The following C9orf153 variants were observed in gnomAD, a reference collection of about 807,000 sequenced individuals.
C9orf153 encodes the protein uncharacterized protein C9orf153.
C9orf153 carries 10 observed loss-of-function variants against 9.0 expected under a neutral mutation model. The observed-to-expected ratio is 1.11, with a 90% CI of 0.69 to 1.89. The LOEUF (loss-of-function observed/expected upper bound fraction) is 1.89. C9orf153 is among the 40% of genes most tolerant of loss of function. The pLI is 0.00. For synonymous variants in C9orf153, 35 were observed against 37.3 expected, an observed-to-expected ratio of 0.94 and a Z score of 0.23; for missense variants, 108 against 111.0, an observed-to-expected ratio of 0.97 and a Z score of 0.12.
At chr9:86,233,370 A>G (rs924263100) in intron 1 of C9orf153, among the ~76,000 whole-genome samples, 5 of 152,162 alleles carry the variant, frequency 3.3e-5, no homozygotes, top group African/African-American at 1.2e-4. Flanking sequence ...TAAAAACAAT[A>G]GTGACTTCTT....
intron 1 of C9orf153, among the ~76,000 whole-genome samples, chr9:86,241,260 T>TCA (rs1375311895): frequency 1.3e-5 from 2 of 152,284 alleles, no homozygotes; most frequent in Admixed American, 6.5e-5. Flanking sequence ...ATTTAGCACA[T>TCA]CCTAGGCCCT....
intron 1 of C9orf153, among the ~76,000 whole-genome samples, chr9:86,249,179 T>G (rs185636077): frequency 6.6e-6 from 1 of 152,220 alleles, no homozygotes; most frequent in African/African-American, 2.4e-5. Flanking sequence ...GGGTCCACAT[T>G]TGATTGTGTG....
chr9:86,240,701 CTTTTTCTTT>C lies in C9orf153; in HGVS notation c.-26-11081_-26-11073del, dbSNP rs1418020035. ...ACTAATTTGCTTTTCTTTTCTTTTT[CTTTTTCTTT>C]TTTTTTTTTTTTTTTTGAGATGGAG... On this transcript the variant is annotated intron_variant, in intron 1 of 3. Coordinates refer to ENST00000339137, the MANE Select transcript of C9orf153 (RefSeq NM_001276366.4). 1.0e-4 allele frequency among the ~76,000 whole-genome samples: 11 copies of C among 105,014 alleles called. No homozygotes were observed. In the Admixed American group the frequency reaches 1.2e-3, roughly 11 times the overall value. The allele number at this position is 105,014 out of a possible 152,430, so 68.9% of individuals were successfully genotyped here.
At position 86,221,421 on chromosome 9, in the gene C9orf153, T is replaced by A. The variant is rs1228353068; in HGVS notation, c.*267A>T. 1.6e-6 allele frequency: 1 copy of A among 626,924 alleles called. No individual in the cohort carries two copies. The highest frequency in any genetic ancestry group is 1.9e-5 in the African/African-American group (1 of 52,048). The allele number at this position is 626,924 out of a possible 1,614,324, so 38.8% of individuals were successfully genotyped here. On this transcript the variant is annotated 3_prime_UTR_variant, in exon 4 of 4. Transcript: ENST00000339137. ...CACTTCAGATGTTCTATTGGGTACT[T>A]GGCTTCTTTACTTTTTGTGTATTAA...
chr9:86,221,728 GT>G lies in C9orf153; in HGVS notation c.247del (p.Thr83GlnfsTer78). The G allele has an allele frequency of 6.5e-7, 1 of 1,537,576 alleles. No individual in the cohort carries two copies. Among genetic ancestry groups the G allele is most frequent in the Non-Finnish European group, 8.8e-7 (1 of 1,135,468 alleles). ...RGDLQPVIRK[T>X]IHESKGSGME... is the part of the protein sequence containing the mutation. ...TCCAGATCCCTTAGATTCATGAATT[GT>G]TTTCCTGAAAAGAATCATATTTTCA... On this transcript the variant is annotated frameshift_variant, in exon 4 of 4. Transcript: ENST00000339137. LOFTEE classifies it high-confidence loss of function.
At chr9:86,242,768 T>A (rs1824777348) in intron 1 of C9orf153, among the ~76,000 whole-genome samples, 1 of 152,162 alleles carries the variant, frequency 6.6e-6, no homozygotes, top group South Asian at 2.1e-4. Context: ...AACTTCCACC[T>A]CCCGGGTTCA....
intron 3 of C9orf153, 118 bp downstream of exon 3, chr9:86,227,737 T>C (rs1434389177): frequency 2.1e-6 from 3 of 1,438,766 alleles, no homozygotes; most frequent in Non-Finnish European, 2.7e-6. Flanking sequence ...TCCCACACTG[T>C]GACAGCCTCT....
chr9:86,239,620 A>G (rs1824687299), intron 1 of C9orf153, among the ~76,000 whole-genome samples: 1 of 152,182 alleles, frequency 6.6e-6, no homozygotes, highest in African/African-American at 2.4e-5. Flanking sequence ...GCCTGGGGCT[A>G]GAGGGGTAAC....
At chr9:86,230,938 TG>T (rs1824456423) in intron 1 of C9orf153, among the ~76,000 whole-genome samples, 1 of 152,178 alleles carries the variant, frequency 6.6e-6, no homozygotes, top group Non-Finnish European at 1.5e-5. Flanking sequence ...CAATAGCTTG[TG>T]GCATTGTGTC....
At chr9:86,243,189 T>G (rs915947019) in intron 1 of C9orf153, among the ~76,000 whole-genome samples, 6 of 152,198 alleles carry the variant, frequency 3.9e-5, no homozygotes, top group Non-Finnish European at 8.8e-5. Flanking sequence ...ACTATTGTAC[T>G]CAGTCCCATG....
At chr9:86,234,581 A>C (rs1432729239) in intron 1 of C9orf153, among the ~76,000 whole-genome samples, 1 of 152,198 alleles carries the variant, frequency 6.6e-6, no homozygotes, top group Non-Finnish European at 1.5e-5. Context: ...TTATAGAACT[A>C]AGTATGAGAG....
chr9:86,244,969 C>G (rs1308607610), intron 1 of C9orf153, among the ~76,000 whole-genome samples: 1 of 152,182 alleles, frequency 6.6e-6, no homozygotes, highest in Non-Finnish European at 1.5e-5. Context: ...TCTTGTCGCC[C>G]AGGCTGGAGT....
chr9:86,257,029 A>G (rs780528543), intron 1 of C9orf153, among the ~76,000 whole-genome samples: 2 of 152,172 alleles, frequency 1.3e-5, no homozygotes, highest in African/African-American at 2.4e-5. Context: ...AGCTTACGGT[A>G]TTTTAATGAA....
intron 3 of C9orf153, among the ~76,000 whole-genome samples, chr9:86,224,590 C>T (rs749677640): frequency 1.4e-4 from 22 of 151,732 alleles, no homozygotes; most frequent in African/African-American, 5.3e-4. Context: ...TACACAGATT[C>T]GATCACTATA....
At chr9:86,222,028 GGCACCC>G (rs1371487943) in intron 3 of C9orf153, among the ~76,000 whole-genome samples, 1 of 152,068 alleles carries the variant, frequency 6.6e-6, no homozygotes, top group Non-Finnish European at 1.5e-5. Context: ...TGGGATGACA[GGCACCC>G]GCCACCACAC....
rs80218511 is a variant in C9orf153 at position 86,254,290 on chromosome 9, A to G, written c.-27+5260T>C. On this transcript the variant is annotated intron_variant, in intron 1 of 3. Transcript: ENST00000339137. ...GCCTCCGGTTTGGACTGAATGCTGA[A>G]TTCTTTGCTGGCAACAAGTCTCCAA... 3.2e-3 allele frequency among the ~76,000 whole-genome samples: 494 copies of G among 152,228 alleles called. 2 individuals carry two copies. The highest frequency in any genetic ancestry group is 0.03 in the East Asian group (157 of 5,184).
rs1824384099 is a variant in C9orf153 at position 86,228,128 on chromosome 9, A to T, written c.67-98T>A. The T allele has an allele frequency of 3.5e-6, 3 of 855,552 alleles. No homozygotes were observed. In the East Asian group the frequency reaches 8.2e-5, roughly 23 times the overall value. The allele number at this position is 855,552 out of a possible 1,614,324, so 53.0% of individuals were successfully genotyped here. Reference sequence around the variant, plus strand: ...TAGAAAAAACCATAGGACAATAAATAACCATAAAGACAAAAGCATTTTTAT... The same window carrying T: ...TAGAAAAAACCATAGGACAATAAATTACCATAAAGACAAAAGCATTTTTAT... On this transcript the variant is annotated intron_variant, in intron 2 of 3. Coordinates refer to ENST00000339137, the MANE Select transcript of C9orf153 (RefSeq NM_001276366.4).
At chr9:86,241,164 C>T (rs1824735677) in intron 1 of C9orf153, among the ~76,000 whole-genome samples, 1 of 152,194 alleles carries the variant, frequency 6.6e-6, no homozygotes, top group African/African-American at 2.4e-5. Flanking sequence ...CACCAACTCA[C>T]CTAGTATATA....
chr9:86,227,606 C>G, intron 3 of C9orf153: 1 of 985,330 alleles, frequency 1.0e-6, no homozygotes, highest in Non-Finnish European at 1.2e-6. Flanking sequence ...TGGGGTGGCA[C>G]TGGAAATGCC....
Sources: allele counts gnomAD v4.1 joint callset (sites outside exome capture counted in the v4.1 genomes callset), GRCh38; gene constraint gnomAD v4.1.1; transcripts MANE v1.5; gene names NCBI Gene and HGNC (gene_info 2026-07-23, HGNC 2026-07-21).